SMARCAD1: variants seen among roughly 807,000 people sequenced by gnomAD.
SMARCAD1 encodes SWI/SNF-related matrix-associated actin-dependent regulator of chromatin subfamily A containing DEAD/H box 1.
SMARCAD1 carries 25 observed loss-of-function variants against 127.1 expected under a neutral mutation model. The ratio of observed to expected loss-of-function variants is 0.20; its 90% CI spans 0.14 to 0.27. SMARCAD1 has a LOEUF of 0.27. Among genes scored for constraint, SMARCAD1 ranks in the 10% least tolerant of loss-of-function variants. The probability of loss-of-function intolerance (pLI) is 1.00; values close to 1 mark genes in which losing one functional copy is unlikely to be tolerated. For synonymous variants in SMARCAD1, 400 were observed against 396.9 expected (o/e 1.01, Z -0.09); for missense variants, 807 against 1,206.0 (o/e 0.67, Z 4.90).
At chr4:94,270,939 T>A in intron 11 of SMARCAD1, 121 bp downstream of exon 11, 1 of 760,824 alleles carries the variant, frequency 1.3e-6, no homozygotes, top group Non-Finnish European at 2.3e-6. Flanking sequence ...CCTCAGTACC[T>A]TATATTTTAT....
At chr4:94,234,747 C>T (rs919858350) in intron 4 of SMARCAD1, among the ~76,000 whole-genome samples, 13 of 152,246 alleles carry the variant, frequency 8.5e-5, no homozygotes, top group African/African-American at 2.9e-4. Flanking sequence ...GTTGAATTAT[C>T]TTAGGGGAAT....
intron 10 of SMARCAD1, among the ~76,000 whole-genome samples, chr4:94,265,793 GTATATCCA>G (rs1751660215): frequency 6.6e-6 from 1 of 151,974 alleles, no homozygotes; most frequent in East Asian, 1.9e-4. Flanking sequence ...ATGAATTATG[GTATATCCA>G]TACTTTGCAA....
intron 9 of SMARCAD1, among the ~76,000 whole-genome samples, chr4:94,262,936 G>A (rs1268081657): frequency 6.9e-6 from 1 of 143,962 alleles, no homozygotes; most frequent in East Asian, 2.0e-4. Flanking sequence ...GTTGGTTACA[G>A]AAAAAAAAAA....
At chr4:94,215,037 T>C (rs959179362) in intron 2 of SMARCAD1, among the ~76,000 whole-genome samples, 3 of 152,192 alleles carry the variant, frequency 2.0e-5, no homozygotes, top group Non-Finnish European at 4.4e-5. Context: ...TAGTTTTCTG[T>C]ATTCCTTGCC....
At chr4:94,251,236 C>T (rs1340094285) in intron 8 of SMARCAD1, among the ~76,000 whole-genome samples, 1 of 152,038 alleles carries the variant, frequency 6.6e-6, no homozygotes, top group Non-Finnish European at 1.5e-5. Context: ...GCACTAGCAT[C>T]AAAAACTTAA....
At chr4:94,262,421 AACACAGACCAC>A (rs1751133495) in intron 9 of SMARCAD1, among the ~76,000 whole-genome samples, 1 of 152,200 alleles carries the variant, frequency 6.6e-6, no homozygotes, top group Non-Finnish European at 1.5e-5. Context: ...CTCCGTGTCC[AACACAGACCAC>A]TATTGTCTCT....
At chr4:94,213,801 T>C (rs1041099083) in intron 2 of SMARCAD1, among the ~76,000 whole-genome samples, 1 of 152,198 alleles carries the variant, frequency 6.6e-6, no homozygotes, top group African/African-American at 2.4e-5. Flanking sequence ...CTAAAAATTA[T>C]GTTGTGTTTG....
chr4:94,289,873 A>T lies in SMARCAD1; in HGVS notation c.*339A>T. 6.5e-6 allele frequency: 3 copies of T among 463,280 alleles called. No individual in the cohort carries two copies. Among genetic ancestry groups the T allele is most frequent in the Non-Finnish European group, 1.3e-5 (3 of 234,028 alleles). The allele number at this position is 463,280 out of a possible 1,614,324, so 28.7% of individuals were successfully genotyped here. On this transcript the variant is annotated 3_prime_UTR_variant, in exon 24 of 24. Coordinates refer to ENST00000354268, the MANE Select transcript of SMARCAD1 (RefSeq NM_020159.5). ...ATTTTTGTAATTATTTCTACCTCCA[A>T]ATATATATATATTGTCTTTCACTGG... is the stretch of plus-strand genomic sequence containing the variant.
intron 23 of SMARCAD1, among the ~76,000 whole-genome samples, chr4:94,285,644 A>G (rs2126013288): frequency 1.3e-5 from 2 of 152,336 alleles, no homozygotes; most frequent in South Asian, 4.1e-4. Context: ...GTTCTGTAAA[A>G]ATCAATATAC....
chr4:94,253,834 G>T (rs1391120154), intron 9 of SMARCAD1, among the ~76,000 whole-genome samples: 1 of 152,084 alleles, frequency 6.6e-6, no homozygotes, highest in African/African-American at 2.4e-5. Context: ...CCTTACGTGG[G>T]CTTTTATAGC....
chr4:94,257,460 A>G (rs980135590), intron 9 of SMARCAD1, among the ~76,000 whole-genome samples: 2 of 152,106 alleles, frequency 1.3e-5, no homozygotes, highest in African/African-American at 4.8e-5. Context: ...TATTTCTTAA[A>G]TCTTTTTTGG....
intron 3 of SMARCAD1, among the ~76,000 whole-genome samples, chr4:94,227,058 A>C (rs1295121160): frequency 1.3e-5 from 2 of 152,066 alleles, no homozygotes; most frequent in African/African-American, 2.4e-5. Context: ...TCAATTGAGA[A>C]GACAGTGCTT....
intron 22 of SMARCAD1, among the ~76,000 whole-genome samples, chr4:94,283,698 G>C (rs1579367370): frequency 6.6e-6 from 1 of 151,404 alleles, no homozygotes; most frequent in Non-Finnish European, 1.5e-5. Flanking sequence ...GGTGGCGGGT[G>C]CCTGTAGTCC....
intron 9 of SMARCAD1, 67 bp from the exon 10 acceptor site, chr4:94,264,636 TAAAG>T (rs1208580316): frequency 5.8e-6 from 8 of 1,380,668 alleles, no homozygotes; most frequent in African/African-American, 1.4e-5. Context: ...GTTTTCCTCA[TAAAG>T]AAATCAGGAT....
At chr4:94,281,702 C>A in intron 21 of SMARCAD1, 112 bp downstream of exon 21, 4 of 752,588 alleles carry the variant, frequency 5.3e-6, no homozygotes, top group Non-Finnish European at 6.9e-6. Flanking sequence ...TGTTTGATTA[C>A]TTCAAATCAT....
Position 94,252,980 on chromosome 4 carries a change from C to T in SMARCAD1, c.1254C>T (p.Leu418=). The part of the protein sequence containing the change: ...SQKKAQKITE[L]RPFNSWEALF... ...AAAAGGCTCAGAAGATAACAGAACT[C>T]CGGCCCTTTAATAGTTGGGAGGCTC... The change falls in exon 9 of 24, where the codon CTC becomes CTT. Residue 418 remains leucine (L), a synonymous_variant. Coordinates refer to ENST00000354268, the MANE Select transcript of SMARCAD1 (RefSeq NM_020159.5). The T allele has an allele frequency of 1.9e-6, 3 of 1,613,376 alleles. No individual in the cohort carries two copies. Among genetic ancestry groups the T allele is most frequent in the South Asian group, 1.1e-5 (1 of 91,072 alleles).
intron 9 of SMARCAD1, among the ~76,000 whole-genome samples, chr4:94,259,574 C>G (rs1312232869): frequency 6.6e-6 from 1 of 151,874 alleles, no homozygotes; most frequent in African/African-American, 2.4e-5. Context: ...TCAAAATAAC[C>G]AAAAAGTGAA....
At chr4:94,211,118 T>C (rs1334351625) in intron 2 of SMARCAD1, among the ~76,000 whole-genome samples, 1 of 150,538 alleles carries the variant, frequency 6.6e-6, no homozygotes, top group African/African-American at 2.4e-5. Flanking sequence ...ACTAAAAATA[T>C]AAAATTAGCT....
chr4:94,282,938 T>C (rs945675209), intron 21 of SMARCAD1, among the ~76,000 whole-genome samples, 183 bp from the exon 22 acceptor site: 3 of 152,130 alleles, frequency 2.0e-5, no homozygotes, highest in African/African-American at 4.8e-5. Context: ...AGCAATATCG[T>C]AGAAAAGAAG....
Sources: gnomAD v4.1 joint callset for allele counts (sites outside exome capture counted in the v4.1 genomes callset) on GRCh38, gnomAD v4.1.1 for gene constraint, MANE v1.5 for transcripts, NCBI Gene and HGNC (gene_info 2026-07-23, HGNC 2026-07-21) for gene names.